Variants in DSC2 observed in about 807,000 individuals in gnomAD.
DSC2 encodes the protein desmocollin-2.
DSC2 carries 51 observed loss-of-function variants against 87.6 expected under a neutral mutation model. The observed-to-expected ratio is 0.58, with a 90% CI of 0.46 to 0.74. The LOEUF (loss-of-function observed/expected upper bound fraction) is 0.74, where lower values mean the gene tolerates loss of function less well. Ranked by LOEUF, DSC2 falls within the 30% of genes least tolerant of loss-of-function variation. DSC2 has a pLI of 0.00. For synonymous variants in DSC2, 383 were observed against 393.2 expected, an observed-to-expected ratio of 0.97 and a Z score of 0.31; for missense variants, 1,066 against 1,089.5, an observed-to-expected ratio of 0.98 and a Z score of 0.30.
At chr18:31,070,998 T>A in intron 13 of DSC2, 148 bp from the exon 14 acceptor site, 2 of 983,816 alleles carry the variant, frequency 2.0e-6, no homozygotes, top group Admixed American at 2.5e-5. Context: ...CAAAGCAGTA[T>A]ACAATAGAAA....
chr18:31,070,262 A>G (rs990617126), intron 14 of DSC2, among the ~76,000 whole-genome samples: 1 of 152,186 alleles, frequency 6.6e-6, no homozygotes. Context: ...TATTTCATAT[A>G]TTTGGCCTCA....
intron 9 of DSC2, among the ~76,000 whole-genome samples, chr18:31,080,921 A>T (rs555079711): frequency 2.0e-5 from 3 of 152,156 alleles, no homozygotes; most frequent in Admixed American, 2.0e-4. Flanking sequence ...CTGATTCAGT[A>T]CTTGGGTAAA....
intron 11 of DSC2, among the ~76,000 whole-genome samples, chr18:31,078,792 ATT>A (rs545627342): frequency 5.3e-5 from 8 of 152,126 alleles, no homozygotes; most frequent in Non-Finnish European, 1.2e-4. Context: ...TAGTATAATA[ATT>A]TGTTTGTTAT....
rs142410803 is a variant in DSC2 at position 31,068,905 on chromosome 18, G to C, written c.2497C>G (p.Arg833Gly). The C allele has an allele frequency of 3.7e-6, 6 of 1,613,394 alleles. No individual in the cohort carries two copies. In the South Asian group the frequency reaches 6.6e-5, roughly 18 times the overall value. ...TTAGGAAAACTCACTTCACCAAGAC[G>C]GGGCTGAGTAAAACTGTGCCACTCC... is the stretch of plus-strand genomic sequence containing the variant. ...YSEWHSFTQP[R>G]LGEKVYLCNQ... The change falls in exon 15 of 16, where the codon CGT becomes GGT. Residue 833 changes from arginine (R) to glycine (G), a missense_variant. Physicochemically the swap from Arg to Gly is moderately radical, Grantham distance 125. Transcript: ENST00000280904.
intron 7 of DSC2, among the ~76,000 whole-genome samples, chr18:31,083,453 A>G (rs1375221459): frequency 6.6e-6 from 1 of 151,604 alleles, no homozygotes; most frequent in Non-Finnish European, 1.5e-5. Flanking sequence ...GTCTTTATTC[A>G]ACAGAAAAAG....
rs374002111 is a variant in DSC2, at chr18:31,071,691, C to A, written c.2039G>T (p.Arg680Leu). The change falls in exon 13 of 16, where the codon CGT becomes CTT. Residue 680 changes from arginine (R) to leucine (L), a missense_variant. Arg to Leu is a moderately radical substitution (Grantham distance 102). Coordinates refer to ENST00000280904, the MANE Select transcript of DSC2 (RefSeq NM_024422.6). ...TCCACCGCCAATCCTTGGATCTACA[C>A]GATGTGTGCAGTCATTTTCGGTAAT... ...DCITENDCTHRVDPRIGGGGV... is the reference protein window; with the variant it reads ...DCITENDCTHLVDPRIGGGGV... 3.5e-5 allele frequency: 56 copies of A among 1,613,980 alleles called. No individual in the cohort carries two copies. Among genetic ancestry groups the A allele is most frequent in the Non-Finnish European group, 4.6e-5 (54 of 1,180,008 alleles).
At chr18:31,091,447 A>G in intron 3 of DSC2, 1 of 512,662 alleles carries the variant, frequency 2.0e-6, no homozygotes, top group Admixed American at 2.3e-5. Context: ...CCCCATTGCC[A>G]TGCAAAAACA....
chr18:31,070,327 C>T (rs543857715), intron 14 of DSC2, among the ~76,000 whole-genome samples: 109 of 152,288 alleles, frequency 7.2e-4, no homozygotes, highest in Non-Finnish European at 1.2e-3. Context: ...GTTCTTCCCA[C>T]GATGATCAAG....
In DSC2 at chr18:31,071,658, T is replaced by G. The variant is rs762974426; in HGVS notation, c.2072A>C (p.Gln691Pro). 4.3e-6 allele frequency: 7 copies of G among 1,613,468 alleles called. 1 individual carries two copies. The South Asian group carries it at 5.5e-5, about 13-fold the overall frequency. ...VDPRIGGGGV[Q>P]LGKWAILAIL... ...TGCAAGGATGGCCCACTTTCCAAGTTGTACTCCTCCACCGCCAATCCTTGG... is the reference window on the plus strand; with the variant it reads ...TGCAAGGATGGCCCACTTTCCAAGTGGTACTCCTCCACCGCCAATCCTTGG... Residue 691 changes from glutamine to proline, a missense_variant, in exon 13 of 16, where the codon CAA becomes CCA. Transcript: ENST00000280904.
intron 1 of DSC2, among the ~76,000 whole-genome samples, chr18:31,097,222 A>G (rs971647825): frequency 2.0e-5 from 3 of 151,584 alleles, no homozygotes; most frequent in Non-Finnish European, 2.9e-5. Flanking sequence ...CGAGAGGCAG[A>G]GCTTGCAGTG....
chr18:31,083,020 A>G lies in DSC2; in HGVS notation c.983T>C (p.Met328Thr). 6.2e-7 allele frequency: 1 copy of G among 1,613,192 alleles called. No homozygotes were observed. The highest frequency in any genetic ancestry group is 8.5e-7 in the Non-Finnish European group (1 of 1,179,770). Residue 328 changes from methionine (M) to threonine (T), a missense_variant, in exon 8 of 16, where the codon ATG becomes ACG. Transcript: ENST00000280904. ...CTGTAGACCAAAATACTGACCATCC[A>G]TGTCTTGTACTTTTATTTTCAACTG... Reference protein sequence around the residue: ...KYQLKIKVQDMDGQYFGLQTT... With the variant: ...KYQLKIKVQDTDGQYFGLQTT...
intron 5 of DSC2, among the ~76,000 whole-genome samples, chr18:31,088,293 G>C (rs1987472766): frequency 1.3e-5 from 2 of 152,136 alleles, no homozygotes; most frequent in Non-Finnish European, 2.9e-5. Context: ...GGTTACATTT[G>C]GGTAAGTCTT....
intron 1 of DSC2, among the ~76,000 whole-genome samples, chr18:31,100,420 A>G (rs1987901140): frequency 6.6e-6 from 1 of 152,192 alleles, no homozygotes; most frequent in Non-Finnish European, 1.5e-5. Flanking sequence ...AGAAATTGCA[A>G]TTTTATTAGG....
chr18:31,102,150 T>C lies in DSC2; in HGVS notation c.-179A>G. Reference sequence around the variant, plus strand: ...GCTTCTCTGAAGCGCCTGCCTCTCATCCAAGGGGCTTTTCCTTTGGCGGAG... The same window carrying C: ...GCTTCTCTGAAGCGCCTGCCTCTCACCCAAGGGGCTTTTCCTTTGGCGGAG... On this transcript the variant is annotated 5_prime_UTR_variant, in exon 1 of 16. The change abolishes an upstream ATG in the 5' untranslated region. Transcript: ENST00000280904. The C allele has an allele frequency of 2.0e-6, 1 of 506,738 alleles. No individual in the cohort carries two copies. The highest frequency in any genetic ancestry group is 3.4e-5 in the South Asian group (1 of 29,608). The allele number at this position is 506,738 out of a possible 1,614,324, so 31.4% of individuals were successfully genotyped here.
chr18:31,079,925 C>A lies in DSC2; in HGVS notation c.1585G>T (p.Val529Phe). Residue 529 changes from valine to phenylalanine, a missense_variant, in exon 11 of 16, where the codon GTT becomes TTT. Physicochemically the swap from Val to Phe is conservative, Grantham distance 50 (BLOSUM62 -1). Transcript: ENST00000280904. ...GCCTCTCTATCCAGGCTTCTGAAAA[C>A]TTTGATTGATCCTGTATTTTCATCA... is the stretch of plus-strand genomic sequence containing the variant. The part of the protein sequence containing the change: ...TIDENTGSIK[V>F]FRSLDREAET... 6.2e-7 allele frequency: 1 copy of A among 1,613,944 alleles called. No homozygotes were observed. Among genetic ancestry groups the A allele is most frequent in the Non-Finnish European group, 8.5e-7 (1 of 1,179,936 alleles).
intron 2 of DSC2, among the ~76,000 whole-genome samples, chr18:31,093,137 T>A (rs989303969): frequency 2.0e-5 from 3 of 152,228 alleles, no homozygotes; most frequent in African/African-American, 7.2e-5. Flanking sequence ...TTATTTTGTA[T>A]GTGTGTTTTT....
rs1986839093 is a variant in DSC2 at position 31,071,726 on chromosome 18, C to T, written c.2004G>A (p.Leu668=). ...AGTCATTTTCGGTAATGCAGTCACA[C>T]AGTGTAACATCCAATGAAGTGACAC... The part of the protein sequence containing the change: ...MSSVTSLDVT[L]CDCITENDCT... The change falls in exon 13 of 16, where the codon CTG becomes CTA. Residue 668 remains leucine, a synonymous_variant. Transcript: ENST00000280904. 1 of 1,613,880 alleles carries T rather than the reference C, an allele frequency of 6.2e-7. No homozygotes were observed. Among genetic ancestry groups the T allele is most frequent in the African/African-American group, 1.3e-5 (1 of 74,916 alleles).
chr18:31,087,872 T>C (rs1987458902), intron 5 of DSC2, 59 bp from the exon 6 acceptor site: 8 of 1,575,576 alleles, frequency 5.1e-6, no homozygotes, highest in Non-Finnish European at 4.3e-6. Flanking sequence ...TGAGGTATGC[T>C]TCAAATTCAT....
At position 31,093,549 on chromosome 18, in the gene DSC2, G is replaced by A; in HGVS notation, c.154+10C>T. On this transcript the variant is annotated intron_variant, in intron 2 of 15. Transcript: ENST00000280904. ...AACAGGATTTATTACAAATTTTAGG[G>A]CTTCCTTACCTCTACCAACAAGTTT... 2 of 1,596,498 alleles carry A rather than the reference G, an allele frequency of 1.3e-6. No individual in the cohort carries two copies. Among genetic ancestry groups the A allele is most frequent in the Non-Finnish European group, 1.7e-6 (2 of 1,167,752 alleles).
Sources: gnomAD v4.1 joint callset for allele counts (sites outside exome capture counted in the v4.1 genomes callset) on GRCh38, gnomAD v4.1.1 for gene constraint, MANE v1.5 for transcripts, NCBI Gene and HGNC (gene_info 2026-07-23, HGNC 2026-07-21) for gene names.